Variants in FBXO4 observed in about 807,000 individuals in gnomAD.
FBXO4 encodes the protein F-box protein 4.
A neutral mutation model predicts 43.7 loss-of-function variants in FBXO4; 36 were observed. The ratio of observed to expected loss-of-function variants is 0.82; its 90% CI spans 0.63 to 1.09. FBXO4 has a LOEUF of 1.09. FBXO4 is among the 50% of genes least tolerant of loss of function. The probability of loss-of-function intolerance (pLI) is 0.00; values close to 1 mark genes in which losing one functional copy is unlikely to be tolerated. For synonymous variants in FBXO4, 180 were observed against 165.6 expected (o/e 1.09, Z -0.67); for missense variants, 435 against 474.1 (o/e 0.92, Z 0.77).
At chr5:41,967,710 A>C in the FBXO4 span, 1 of 627,386 alleles carries the variant, frequency 1.6e-6, no homozygotes, top group Non-Finnish European at 3.1e-6. Context: ...ACCCTACATT[A>C]ATTACATGAA....
chr5:42,028,372 A>C, the FBXO4 span, among the ~76,000 whole-genome samples: 4 of 151,796 alleles, frequency 2.6e-5, no homozygotes, highest in East Asian at 5.8e-4. Context: ...ATTGGCATGG[A>C]ATTATCTTTT....
the FBXO4 span, among the ~76,000 whole-genome samples, chr5:41,953,848 G>T: frequency 6.6e-6 from 1 of 151,838 alleles, no homozygotes; most frequent in Non-Finnish European, 1.5e-5. Flanking sequence ...GGGGTTGTTT[G>T]TTTTTTTCTT....
chr5:41,942,759 G>A (rs1184232493), downstream of FBXO4, among the ~76,000 whole-genome samples: 1 of 151,970 alleles, frequency 6.6e-6, no homozygotes, highest in East Asian at 1.9e-4. Context: ...CTTGCTGCAT[G>A]TCTTGGGGTT....
At chr5:42,013,901 G>A in the FBXO4 span, among the ~76,000 whole-genome samples, 7 of 152,122 alleles carry the variant, frequency 4.6e-5, no homozygotes, top group African/African-American at 1.7e-4. Context: ...CTCAGCTGCC[G>A]AGAGGAGACA....
chr5:41,942,131 A>G (rs1170808402), downstream of FBXO4, among the ~76,000 whole-genome samples: 1 of 152,050 alleles, frequency 6.6e-6, no homozygotes, highest in East Asian at 1.9e-4. Context: ...TTTGTAACAT[A>G]TATTATACAT....
the FBXO4 span, among the ~76,000 whole-genome samples, chr5:42,013,122 T>C: frequency 6.6e-6 from 1 of 151,888 alleles, no homozygotes; most frequent in African/African-American, 2.4e-5. Context: ...CTGGGCAACA[T>C]GGGGAGACTC....
chr5:41,979,847 C>A, the FBXO4 span, among the ~76,000 whole-genome samples: 5 of 152,156 alleles, frequency 3.3e-5, no homozygotes, highest in Non-Finnish European at 7.3e-5. Context: ...CTAAAGACTT[C>A]AGGTACATTT....
chr5:41,951,881 G>A, the FBXO4 span: 5 of 242,700 alleles, frequency 2.1e-5, no homozygotes, highest in Non-Finnish European at 4.1e-5. Flanking sequence ...AAGTTTCCAG[G>A]AGGAAATGAT....
At chr5:42,033,501 C>T in the FBXO4 span, among the ~76,000 whole-genome samples, 15 of 151,978 alleles carry the variant, frequency 9.9e-5, no homozygotes, top group African/African-American at 3.6e-4. Flanking sequence ...AGGTTTTAAG[C>T]CCCGTATGCA....
chr5:41,981,208 G>A, the FBXO4 span, among the ~76,000 whole-genome samples: 1 of 151,888 alleles, frequency 6.6e-6, no homozygotes, highest in African/African-American at 2.4e-5. Flanking sequence ...AACTCATTTG[G>A]TGGCACCTGA....
chr5:41,954,228 T>G, the FBXO4 span, among the ~76,000 whole-genome samples: 1 of 152,178 alleles, frequency 6.6e-6, no homozygotes, highest in Admixed American at 6.5e-5. Context: ...TAAAAAAATT[T>G]AAGGAAATAT....
the FBXO4 span, among the ~76,000 whole-genome samples, chr5:42,011,122 G>C: frequency 6.6e-6 from 1 of 152,108 alleles, no homozygotes; most frequent in Admixed American, 6.6e-5. Context: ...TTCCTGATGG[G>C]CTAGAATAAT....
the FBXO4 span, among the ~76,000 whole-genome samples, chr5:41,977,693 C>T: frequency 6.6e-6 from 1 of 152,214 alleles, no homozygotes; most frequent in African/African-American, 2.4e-5. Context: ...CCTACCTCAG[C>T]CTCCCAAAGT....
the FBXO4 span, among the ~76,000 whole-genome samples, chr5:41,966,158 C>T: frequency 6.6e-6 from 1 of 151,806 alleles, no homozygotes; most frequent in African/African-American, 2.4e-5. Flanking sequence ...GGGGTGGGGG[C>T]AAGGGGGAGG....
chr5:41,960,654 A>G, the FBXO4 span, among the ~76,000 whole-genome samples: 2 of 152,072 alleles, frequency 1.3e-5, no homozygotes, highest in Non-Finnish European at 2.9e-5. Flanking sequence ...TATCACATTT[A>G]TTGTTTGATC....
At chr5:42,027,126 T>C in the FBXO4 span, among the ~76,000 whole-genome samples, 1 of 151,842 alleles carries the variant, frequency 6.6e-6, no homozygotes, top group East Asian at 1.9e-4. Flanking sequence ...GGATTGGTAT[T>C]AGTTATTCTT....
At chr5:41,965,956 A>G in the FBXO4 span, among the ~76,000 whole-genome samples, 1 of 152,240 alleles carries the variant, frequency 6.6e-6, no homozygotes, top group Non-Finnish European at 1.5e-5. Flanking sequence ...ACCATGGAAT[A>G]CTATGCAGCC....
chr5:42,013,991 A>G, the FBXO4 span, among the ~76,000 whole-genome samples: 1 of 152,196 alleles, frequency 6.6e-6, no homozygotes, highest in South Asian at 2.1e-4. Context: ...CTGCTGTAGC[A>G]TAACCATATG....
the FBXO4 span, chr5:41,967,435 A>G: frequency 1.8e-6 from 1 of 571,048 alleles, no homozygotes; most frequent in South Asian, 1.5e-5. Context: ...CACCTGCAAC[A>G]GATATTACAA....
Sources: allele counts gnomAD v4.1 joint callset (sites outside exome capture counted in the v4.1 genomes callset), GRCh38; gene constraint gnomAD v4.1.1; transcripts MANE v1.5; gene names NCBI Gene and HGNC (gene_info 2026-07-23, HGNC 2026-07-21).